The following BSN variants were observed in gnomAD, a reference collection of about 807,000 sequenced individuals.
BSN encodes protein bassoon.
Under a neutral mutation model 264.8 loss-of-function variants are expected in BSN, and 57 were observed. The ratio of observed to expected loss-of-function variants is 0.22; its 90% confidence interval spans 0.17 to 0.27. The LOEUF (loss-of-function observed/expected upper bound fraction) is 0.27, where lower values mean the gene tolerates loss of function less well. Among genes scored for constraint, BSN ranks in the 10% least tolerant of loss-of-function variants. BSN has a pLI of 1.00. For missense variants in BSN, 4,615 were observed against 5,232.5 expected (o/e 0.88, Z 3.64); for synonymous variants, 2,059 against 2,137.3 (o/e 0.96, Z 1.01).
At chr3:49,601,856 A>G (rs1446117740) in intron 1 of BSN, among the ~76,000 whole-genome samples, 1 of 152,226 alleles carries the variant, frequency 6.6e-6, no homozygotes, top group Admixed American at 6.5e-5. Context: ...GAGTCACAGC[A>G]TTTGGCTGAA....
intron 1 of BSN, among the ~76,000 whole-genome samples, chr3:49,616,804 C>T (rs937925691): frequency 9.2e-5 from 14 of 152,186 alleles, no homozygotes; most frequent in Admixed American, 7.2e-4. Flanking sequence ...ACGCTGGCCT[C>T]GTGCCTTTCT....
At chr3:49,644,546 A>G (rs2052491699) in intron 3 of BSN, among the ~76,000 whole-genome samples, 1 of 152,096 alleles carries the variant, frequency 6.6e-6, no homozygotes, top group Non-Finnish European at 1.5e-5. Flanking sequence ...CCAACTCTCC[A>G]AGCTCTAGAT....
At chr3:49,583,102 G>A (rs1359901759) in intron 1 of BSN, among the ~76,000 whole-genome samples, 1 of 152,032 alleles carries the variant, frequency 6.6e-6, no homozygotes, top group Non-Finnish European at 1.5e-5. Flanking sequence ...CAGAGTAGCT[G>A]GGATTACAGG....
chr3:49,652,288 A>C lies in BSN; in HGVS notation c.2732A>C (p.Glu911Ala). 1 of 1,597,078 alleles carries C rather than the reference A, an allele frequency of 6.3e-7. No homozygotes were observed. Among genetic ancestry groups the C allele is most frequent in the Non-Finnish European group, 8.5e-7 (1 of 1,170,714 alleles). The change falls in exon 5 of 12, where the codon GAG (glutamate) becomes GCG (alanine). Residue 911 changes from glutamate to alanine, a missense_variant. This residue lies in a region of BSN where 1,197 missense variants were observed against 1,348.0 expected (regional missense o/e 0.89). Transcript: ENST00000296452. ...ATTGYEELLP[E>A]GGSAEATDGS... is the part of the protein sequence containing the mutation. ...ACGGGCTATGAGGAGCTGCTCCCTG[A>C]GGGAGGCTCAGCAGAGGCTACCGAT...
chr3:49,562,852 TG>T (rs1250461422), intron 1 of BSN, among the ~76,000 whole-genome samples: 1 of 152,168 alleles, frequency 6.6e-6, no homozygotes, highest in Non-Finnish European at 1.5e-5. Context: ...GCATGCTGGC[TG>T]GGGGTCAGAA....
intron 1 of BSN, among the ~76,000 whole-genome samples, chr3:49,592,683 G>A (rs1324630086): frequency 1.5e-4 from 23 of 151,356 alleles, no homozygotes; most frequent in African/African-American, 5.6e-4. Context: ...CCTGGGAGGC[G>A]GAGCTTGCAG....
rs1438203640 is a variant in BSN at position 49,658,178 on chromosome 3, G to A, written c.8622G>A (p.Gln2874=). Residue 2874 remains glutamine (Q), a synonymous_variant, in exon 5 of 12, where the codon CAG becomes CAA. Transcript: ENST00000296452. ...AGAGATTCTCCCTCTACCAGCACCA[G>A]GGGGGACTGGGTAGCCAGGTATGGG... ...AKERFSLYQH[Q]GGLGSQVSAL... The A allele has an allele frequency of 1.3e-6, 2 of 1,573,006 alleles. No individual in the cohort carries two copies. Among genetic ancestry groups the A allele is most frequent in the South Asian group, 1.1e-5 (1 of 87,064 alleles).
At chr3:49,596,572 C>A (rs1455955374) in intron 1 of BSN, among the ~76,000 whole-genome samples, 2 of 152,076 alleles carry the variant, frequency 1.3e-5, no homozygotes, top group African/African-American at 2.4e-5. Context: ...CTAGGCTGGT[C>A]TTGAACTTTT....
intron 1 of BSN, among the ~76,000 whole-genome samples, chr3:49,601,785 C>G (rs951910007): frequency 4.6e-5 from 7 of 152,136 alleles, no homozygotes; most frequent in Non-Finnish European, 8.8e-5. Flanking sequence ...AGTATTTATT[C>G]TTTTATTTTT....
At chr3:49,612,395 A>C (rs1334760757) in intron 1 of BSN, among the ~76,000 whole-genome samples, 2 of 152,156 alleles carry the variant, frequency 1.3e-5, no homozygotes, top group Non-Finnish European at 2.9e-5. Flanking sequence ...TCGGCCTCCC[A>C]AAGTGCTGGG....
At chr3:49,664,353 G>A in intron 8 of BSN, 70 bp from the exon 9 acceptor site, 2 of 1,601,778 alleles carry the variant, frequency 1.2e-6, no homozygotes, top group Non-Finnish European at 1.7e-6. Flanking sequence ...TCTCTCGTGG[G>A]TACTTGCCCT....
At chr3:49,556,372 A>T (rs1164774406) in intron 1 of BSN, among the ~76,000 whole-genome samples, 2 of 152,218 alleles carry the variant, frequency 1.3e-5, no homozygotes, top group Non-Finnish European at 1.5e-5. Flanking sequence ...AAGGAGGCTG[A>T]TGTCTATTGC....
At chr3:49,603,675 G>A (rs2052089169) in intron 1 of BSN, among the ~76,000 whole-genome samples, 2 of 152,162 alleles carry the variant, frequency 1.3e-5, no homozygotes. Flanking sequence ...CTTACACGGG[G>A]ATTCTCTCTT....
chr3:49,632,471 A>G (rs2052389735), intron 2 of BSN, among the ~76,000 whole-genome samples: 1 of 152,174 alleles, frequency 6.6e-6, no homozygotes, highest in African/African-American at 2.4e-5. Context: ...AAGTCTTACA[A>G]CTCAACAACA....
At chr3:49,620,709 C>A (rs1213973596) in intron 1 of BSN, among the ~76,000 whole-genome samples, 1 of 152,166 alleles carries the variant, frequency 6.6e-6, no homozygotes, top group African/African-American at 2.4e-5. Flanking sequence ...TATTCTGGGG[C>A]TGGGCTTGGT....
In BSN at chr3:49,651,943, A is replaced by G. The variant is rs145715332; in HGVS notation, c.2387A>G (p.Gln796Arg). The change falls in exon 5 of 12, where the codon CAG (glutamine) becomes CGG (arginine). Residue 796 changes from glutamine to arginine, a missense_variant. Gln to Arg is a conservative substitution (Grantham distance 43). Transcript: ENST00000296452. The surrounding 1 kb of genome is among the most constrained non-coding windows in gnomAD (Gnocchi z 5.4). ...DSAEWRRRRE[Q>R]QDTAESSDDF... ...GCTGAGTGGAGGCGCCGGAGAGAGC[A>G]GCAGGACACTGCCGAGTCCTCAGAC... 7 of 1,613,620 alleles carry G rather than the reference A, an allele frequency of 4.3e-6. No individual in the cohort carries two copies. The highest frequency in any genetic ancestry group is 5.9e-6 in the Non-Finnish European group (7 of 1,179,878).
intron 1 of BSN, among the ~76,000 whole-genome samples, chr3:49,614,461 A>C (rs535367038): frequency 3.9e-5 from 6 of 152,244 alleles, no homozygotes; most frequent in South Asian, 2.1e-4. Flanking sequence ...CATGGGATAG[A>C]GGTAAAAATG....
chr3:49,604,616 C>G (rs1157088104), intron 1 of BSN, among the ~76,000 whole-genome samples: 1 of 152,142 alleles, frequency 6.6e-6, no homozygotes, highest in Non-Finnish European at 1.5e-5. Context: ...ATTCATCTAT[C>G]AGTGGACATG....
chr3:49,617,113 C>T (rs1400613500), intron 1 of BSN, among the ~76,000 whole-genome samples: 1 of 151,964 alleles, frequency 6.6e-6, no homozygotes, highest in Admixed American at 6.6e-5. Context: ...CCTTTCTTGG[C>T]CATCTTAAAA....
Sources: allele counts gnomAD v4.1 joint callset (sites outside exome capture counted in the v4.1 genomes callset), GRCh38; gene constraint gnomAD v4.1.1; regional missense constraint gnomAD v4.1.1; non-coding constraint Gnocchi (gnomAD v3.1); transcripts MANE v1.5; gene names NCBI Gene and HGNC (gene_info 2026-07-23, HGNC 2026-07-21).